Variants in CAGE1 observed in about 807,000 individuals in gnomAD.
CAGE1 encodes the protein cancer antigen 1.
A neutral mutation model predicts 94.9 loss-of-function variants in CAGE1; 66 were observed. The observed-to-expected ratio is 0.70, with a 90% CI of 0.57 to 0.85. CAGE1 has a LOEUF of 0.85. Ranked by LOEUF, CAGE1 falls within the 40% of genes least tolerant of loss-of-function variation. CAGE1 has a pLI of 0.00. For synonymous variants in CAGE1, 319 were observed against 321.0 expected (o/e 0.99, Z 0.07); for missense variants, 865 against 950.4 (o/e 0.91, Z 1.18).
intron 1 of CAGE1, 60 bp from the exon 2 acceptor site, chr6:7,387,256 CTT>C: frequency 1.1e-6 from 1 of 875,778 alleles, no homozygotes; most frequent in South Asian, 1.7e-5. Context: ...CCCTATCCCT[CTT>C]CTCATTAAGA....
intron 5 of CAGE1, among the ~76,000 whole-genome samples, chr6:7,370,469 A>C (rs1760501477): frequency 6.6e-6 from 1 of 151,878 alleles, no homozygotes. Flanking sequence ...AATTTTTCAA[A>C]TTTTTTGTAG....
chr6:7,327,706 G>A (rs562986211), intron 13 of CAGE1, among the ~76,000 whole-genome samples: 11 of 152,166 alleles, frequency 7.2e-5, no homozygotes, highest in South Asian at 6.2e-4. Context: ...TGAGGCAGGC[G>A]GACCACCTGA....
At chr6:7,329,295 G>A (rs1758657725) in intron 13 of CAGE1, 8 of 375,024 alleles carry the variant, frequency 2.1e-5, no homozygotes, top group Non-Finnish European at 3.8e-5. Flanking sequence ...AAAATCGCTT[G>A]CTTAGAAAGC....
intron 11 of CAGE1, among the ~76,000 whole-genome samples, chr6:7,334,812 T>C (rs1283596784): frequency 2.0e-5 from 3 of 150,846 alleles, no homozygotes; most frequent in African/African-American, 4.9e-5. Context: ...TGGGAAAATA[T>C]GTGATAGCAT....
At position 7,378,797 on chromosome 6, in the gene CAGE1, A is replaced by G. The variant is rs759621313; in HGVS notation, c.507T>C (p.Thr169=). ...GTTGGTCTGTATTTGCAGAAACACT[A>G]GTTTCCATTGGATTTTCTTCCTTAA... is the stretch of plus-strand genomic sequence containing the variant. ...DSFKEENPME[T]SVSANTDQLG... The change falls in exon 4 of 14, where the codon ACT becomes ACC. Residue 169 remains threonine, a synonymous_variant. Transcript: ENST00000502583. 1.9e-6 allele frequency: 3 copies of G among 1,613,854 alleles called. No individual in the cohort carries two copies. In the East Asian group the frequency reaches 6.7e-5, roughly 36 times the overall value.
chr6:7,371,737 A>G (rs1760544401), intron 5 of CAGE1, among the ~76,000 whole-genome samples: 1 of 152,178 alleles, frequency 6.6e-6, no homozygotes, highest in Non-Finnish European at 1.5e-5. Flanking sequence ...CAGTGAGAGG[A>G]GATCACACCA....
chr6:7,327,199 C>G (rs1352153152), intron 13 of CAGE1, among the ~76,000 whole-genome samples: 1 of 152,128 alleles, frequency 6.6e-6, no homozygotes, highest in African/African-American at 2.4e-5. Context: ...ATTATAGACA[C>G]TCAACACCAT....
In CAGE1 at chr6:7,344,573, A is replaced by T. The variant is rs867799553; in HGVS notation, c.2369+10468T>A. Among the ~76,000 whole-genome samples, 117 of 152,278 alleles carry T rather than the reference A, an allele frequency of 7.7e-4. 1 individual carries two copies. Among genetic ancestry groups the T allele is most frequent in the African/African-American group, 2.5e-3 (104 of 41,554 alleles). ...CCCCTGCTCTACAGCGCCCAGTCCC[A>T]TCCACCACCCAAGGGCTGAGGAGTG... is the stretch of plus-strand genomic sequence containing the variant. On this transcript the variant is annotated intron_variant, in intron 11 of 13. Coordinates refer to ENST00000502583, the MANE Select transcript of CAGE1 (RefSeq NM_001170692.2).
intron 4 of CAGE1, among the ~76,000 whole-genome samples, chr6:7,374,504 G>C (rs1009551552): frequency 1.3e-5 from 2 of 150,128 alleles, no homozygotes; most frequent in Non-Finnish European, 3.0e-5. Context: ...ACAAATAAAT[G>C]TATCAATTAC....
At position 7,380,640 on chromosome 6, in the gene CAGE1, A is replaced by C. The variant is rs549945359; in HGVS notation, c.284-1620T>G. ...TGACAGTGCAAGACTCCATCTCAAA[A>C]AAAAAAAAAAGTCTTTATTTCACAC... On this transcript the variant is annotated intron_variant, in intron 3 of 13. Coordinates refer to ENST00000502583, the MANE Select transcript of CAGE1 (RefSeq NM_001170692.2). Among the ~76,000 whole-genome samples the C allele has an allele frequency of 1.0e-3, 159 of 152,194 alleles. 2 individuals carry two copies. The highest frequency in any genetic ancestry group is 1.1e-3 in the Non-Finnish European group (73 of 67,992).
chr6:7,366,106 C>G (rs1289104323), intron 7 of CAGE1, among the ~76,000 whole-genome samples: 1 of 151,962 alleles, frequency 6.6e-6, no homozygotes, highest in African/African-American at 2.4e-5. Context: ...ATTATCCGGG[C>G]ATGGTGGCTG....
At chr6:7,354,360 G>T (rs1331447662) in intron 11 of CAGE1, among the ~76,000 whole-genome samples, 4 of 152,090 alleles carry the variant, frequency 2.6e-5, no homozygotes, top group African/African-American at 9.7e-5. Flanking sequence ...TTTGACATTT[G>T]TTCTGCTTAG....
intron 11 of CAGE1, chr6:7,347,516 T>TGGGGGGGGGGG (rs1292213281): frequency 6.6e-4 from 5 of 7,550 alleles, no homozygotes; most frequent in African/African-American, 1.6e-3. Flanking sequence ...GGGGGGGGGT[T>TGGGGGGGGGGG]GGGGGGGGCG....
chr6:7,364,654 G>C (rs915364360), intron 9 of CAGE1, among the ~76,000 whole-genome samples: 4 of 151,866 alleles, frequency 2.6e-5, no homozygotes, highest in African/African-American at 7.3e-5. Flanking sequence ...ATTTTTAGTA[G>C]AGACGGGGTT....
At chr6:7,350,524 C>T (rs780557044) in intron 11 of CAGE1, among the ~76,000 whole-genome samples, 6 of 152,134 alleles carry the variant, frequency 3.9e-5, no homozygotes, top group Non-Finnish European at 8.8e-5. Context: ...AAACGAGCCT[C>T]AATAAATTTA....
At chr6:7,370,750 C>T (rs1760514332) in intron 5 of CAGE1, among the ~76,000 whole-genome samples, 1 of 152,234 alleles carries the variant, frequency 6.6e-6, no homozygotes, top group South Asian at 2.1e-4. Flanking sequence ...TTCCATCAGC[C>T]ATGAGAGCAA....
intron 12 of CAGE1, chr6:7,331,239 T>C (rs1758743159): frequency 1.9e-6 from 1 of 513,408 alleles, no homozygotes; most frequent in Non-Finnish European, 3.3e-6. Flanking sequence ...ATACACAGAA[T>C]TACATCTGTA....
chr6:7,382,395 G>A (rs972854489), intron 3 of CAGE1, among the ~76,000 whole-genome samples: 3 of 151,698 alleles, frequency 2.0e-5, no homozygotes, highest in South Asian at 2.1e-4. Context: ...TTCGCCTCCC[G>A]GATTCAAGTG....
chr6:7,371,034 A>G (rs1414332048), intron 5 of CAGE1, among the ~76,000 whole-genome samples: 5 of 152,218 alleles, frequency 3.3e-5, no homozygotes, highest in Non-Finnish European at 7.3e-5. Flanking sequence ...TTTCTGTACA[A>G]TTAAACTAAT....
Sources: allele counts gnomAD v4.1 joint callset (sites outside exome capture counted in the v4.1 genomes callset), GRCh38; gene constraint gnomAD v4.1.1; transcripts MANE v1.5; gene names NCBI Gene and HGNC (gene_info 2026-07-23, HGNC 2026-07-21).